The following FRK variants were observed in gnomAD, a reference collection of about 807,000 sequenced individuals.
The protein encoded by FRK is fyn related Src family tyrosine kinase.
FRK carries 51 observed loss-of-function variants against 56.4 expected under a neutral mutation model. That is an observed-to-expected ratio of 0.90 (90% CI 0.72 to 1.14). FRK has a LOEUF of 1.14. Ranked by LOEUF, FRK falls within the 50% of genes most tolerant of loss-of-function variation. The pLI is 0.00. For synonymous variants in FRK, 245 were observed against 217.9 expected (o/e 1.12, Z -1.10); for missense variants, 570 against 601.4 (o/e 0.95, Z 0.55).
In FRK at chr6:116,031,726, TCA is replaced by T. The variant is rs1309743717; in HGVS notation, c.345-27730_345-27729del. Among the ~76,000 whole-genome samples, 5 of 152,204 alleles carry T rather than the reference TCA, an allele frequency of 3.3e-5. No individual in the cohort carries two copies. In the East Asian group the frequency reaches 7.7e-4, roughly 23 times the overall value. ...ACATCAAGATCAGCTAGAAATAGAT[TCA>T]GTTAGGTTTCTTTCAATTTGTTTCT... On this transcript the variant is annotated intron_variant, in intron 1 of 7. Coordinates refer to ENST00000606080, the MANE Select transcript of FRK (RefSeq NM_002031.3).
chr6:115,986,302 A>G (rs1410816377), intron 2 of FRK, among the ~76,000 whole-genome samples: 2 of 152,100 alleles, frequency 1.3e-5, no homozygotes, highest in Non-Finnish European at 2.9e-5. Context: ...ACATAGCAGC[A>G]GCTCCTTTAG....
intron 5 of FRK, among the ~76,000 whole-genome samples, chr6:115,946,424 C>T (rs934939882): frequency 3.9e-5 from 6 of 152,120 alleles, no homozygotes; most frequent in Non-Finnish European, 7.4e-5. Context: ...ATGTAAAGCA[C>T]TTAAAGCAGT....
At position 115,933,499 on chromosome 6, in the gene FRK, C is replaced by G. The variant is rs1390621170; in HGVS notation, c.*8915G>C. The G allele has an allele frequency of 6.6e-6, 1 of 152,130 alleles. No homozygotes were observed. The highest frequency in any genetic ancestry group is 2.1e-4 in the South Asian group (1 of 4,822). The allele number at this position is 152,130 out of a possible 1,614,324, so 9.4% of individuals were successfully genotyped here. A position where few individuals can be genotyped will look rare whatever the true frequency, so the allele number is the denominator to read the frequency against. On this transcript the variant is annotated 3_prime_UTR_variant, in exon 8 of 8. Transcript: ENST00000606080. ...AGAATAATAGATTGCTTTGACAGAA[C>G]CTTGAACATAAATGTCCCCAAGAAT...
chr6:116,084,153 C>T, the FRK span, among the ~76,000 whole-genome samples: 6 of 152,088 alleles, frequency 3.9e-5, no homozygotes, highest in African/African-American at 1.4e-4. Flanking sequence ...AACTACTCAT[C>T]GAATGGTTAT....
At position 116,045,928 on chromosome 6, in the gene FRK, A is replaced by G. The variant is rs546731045; in HGVS notation, c.344+14040T>C. 1.8e-3 allele frequency among the ~76,000 whole-genome samples: 268 copies of G among 152,344 alleles called. 3 individuals carry two copies. The highest frequency in any genetic ancestry group is 5.7e-3 in the African/African-American group (239 of 41,582). ...GGCTAATATCCAGAATCTACAAGGA[A>G]CTTAAACAAATTTACAAGAAAAAAA... On this transcript the variant is annotated intron_variant, in intron 1 of 7. Coordinates refer to ENST00000606080, the MANE Select transcript of FRK (RefSeq NM_002031.3).
At chr6:115,982,859 G>T (rs374730398) in intron 2 of FRK, among the ~76,000 whole-genome samples, 1 of 152,004 alleles carries the variant, frequency 6.6e-6, no homozygotes, top group South Asian at 2.1e-4. Context: ...ATCACTTGAG[G>T]TTAGGAGTTT....
intron 2 of FRK, among the ~76,000 whole-genome samples, chr6:115,980,464 C>T (rs1180514994): frequency 6.6e-6 from 1 of 152,084 alleles, no homozygotes; most frequent in Non-Finnish European, 1.5e-5. Flanking sequence ...CTAAAGGAAT[C>T]CAGCTGAGGT....
At chr6:115,988,713 A>G (rs950483228) in intron 2 of FRK, among the ~76,000 whole-genome samples, 4 of 152,004 alleles carry the variant, frequency 2.6e-5, no homozygotes, top group Non-Finnish European at 4.4e-5. Context: ...TCCTGTTTGT[A>G]TACGCGATAC....
rs1239974676 is a variant in FRK at position 115,977,983 on chromosome 6, TTACAATTTCCCATGAAAAG to T, written c.467-9263_467-9245del. Among the ~76,000 whole-genome samples the T allele has an allele frequency of 8.5e-5, 13 of 152,232 alleles. No homozygotes were observed. In the East Asian group the frequency reaches 2.5e-3, roughly 29 times the overall value. ...TTTTGCCAGCTAATTTAATTGAAAA[TTACAATTTCCCATGAAAAG>T]TACAATTTCCCATGAAAACAGCATT... is the stretch of plus-strand genomic sequence containing the variant. On this transcript the variant is annotated intron_variant, in intron 2 of 7. Coordinates refer to ENST00000606080, the MANE Select transcript of FRK (RefSeq NM_002031.3).
At chr6:115,970,754 T>C (rs1773779377) in intron 2 of FRK, among the ~76,000 whole-genome samples, 1 of 152,134 alleles carries the variant, frequency 6.6e-6, no homozygotes, top group Non-Finnish European at 1.5e-5. Context: ...TAATAATAAT[T>C]GTTTTTAAAT....
At chr6:116,006,414 T>C (rs769888176) in intron 1 of FRK, among the ~76,000 whole-genome samples, 4 of 152,262 alleles carry the variant, frequency 2.6e-5, no homozygotes, top group Non-Finnish European at 5.9e-5. Flanking sequence ...TGAGCTTTTA[T>C]ACAGTACTAG....
intron 3 of FRK, 95 bp downstream of exon 3, chr6:115,968,481 T>A (rs1452076056): frequency 7.0e-7 from 1 of 1,432,274 alleles, no homozygotes; most frequent in Admixed American, 2.1e-5. Context: ...AAATGACAAT[T>A]TTTTTCCTGA....
At chr6:116,007,137 T>C (rs1233845951) in intron 1 of FRK, among the ~76,000 whole-genome samples, 1 of 152,244 alleles carries the variant, frequency 6.6e-6, no homozygotes, top group Non-Finnish European at 1.5e-5. Flanking sequence ...TCAAAGTGCA[T>C]TGATTATGCA....
chr6:116,042,173 C>T (rs953576544), intron 1 of FRK, among the ~76,000 whole-genome samples: 4 of 152,160 alleles, frequency 2.6e-5, no homozygotes. Context: ...ACTGCAAAGC[C>T]GCTGTAGCCA....
chr6:115,992,400 T>A (rs985394054), intron 2 of FRK, among the ~76,000 whole-genome samples: 2 of 151,756 alleles, frequency 1.3e-5, no homozygotes, highest in African/African-American at 4.8e-5. Flanking sequence ...TTTGCTTACA[T>A]AATTATGTCA....
chr6:116,083,243 A>T, the FRK span, among the ~76,000 whole-genome samples: 2 of 152,238 alleles, frequency 1.3e-5, no homozygotes, highest in African/African-American at 4.8e-5. Context: ...TTGAAGGGCA[A>T]AGTTCACCTT....
At chr6:116,028,300 A>G (rs1209791381) in intron 1 of FRK, among the ~76,000 whole-genome samples, 3 of 152,144 alleles carry the variant, frequency 2.0e-5, no homozygotes, top group African/African-American at 4.8e-5. Context: ...GACTAATTGC[A>G]TTTTTATCTA....
chr6:115,993,808 C>A (rs1774714107), intron 2 of FRK, among the ~76,000 whole-genome samples: 1 of 151,950 alleles, frequency 6.6e-6, no homozygotes, highest in South Asian at 2.1e-4. Flanking sequence ...ATCTATTATT[C>A]TTTCTCCCCA....
chr6:115,967,578 G>GA lies in FRK; in HGVS notation c.771dup (p.Pro258SerfsTer16). 6.2e-7 allele frequency: 1 copy of GA among 1,613,380 alleles called. No individual in the cohort carries two copies. On this transcript the variant is annotated frameshift_variant, in exon 4 of 8. Coordinates refer to ENST00000606080, the MANE Select transcript of FRK (RefSeq NM_002031.3). LOFTEE classifies it high-confidence loss of function. ...GGTTTTAATGTTTTCACTGCTACTG[G>GA]AGTGGTATTGTTCCACAGACCTTCC...
Sources: allele counts gnomAD v4.1 joint callset (sites outside exome capture counted in the v4.1 genomes callset), GRCh38; gene constraint gnomAD v4.1.1; transcripts MANE v1.5; gene names NCBI Gene and HGNC (gene_info 2026-07-23, HGNC 2026-07-21).